The following TARDBP variants were observed in gnomAD, a reference collection of about 807,000 sequenced individuals.
The protein encoded by TARDBP is TAR DNA binding protein.
TARDBP carries 4 observed loss-of-function variants against 38.3 expected under a neutral mutation model. The ratio of observed to expected loss-of-function variants is 0.10; its 90% CI spans 0.05 to 0.24. The LOEUF is 0.24. Ranked by LOEUF, TARDBP falls within the 10% of genes least tolerant of loss-of-function variation. The pLI, the probability that TARDBP is intolerant of heterozygous loss-of-function variation, is 1.00. For synonymous variants in TARDBP, 184 were observed against 183.8 expected (o/e 1.00, Z -0.01); for missense variants, 202 against 521.9 (o/e 0.39, Z 5.97).
At chr1:11,014,783 A>C (rs956200235) in intron 2 of TARDBP, among the ~76,000 whole-genome samples, 1 of 152,098 alleles carries the variant, frequency 6.6e-6, no homozygotes, top group Non-Finnish European at 1.5e-5. Context: ...TATCAAAAAC[A>C]CAAAATCTCT....
At position 11,023,305 on chromosome 1, in the gene TARDBP, C is replaced by T. The variant is rs1284252345; in HGVS notation, c.*651C>T. The T allele has an allele frequency of 1.8e-5, 27 of 1,528,790 alleles. No individual in the cohort carries two copies. Among genetic ancestry groups the T allele is most frequent in the Non-Finnish European group, 2.3e-5 (26 of 1,128,020 alleles). The allele number at this position is 1,528,790 out of a possible 1,614,324, so 94.7% of individuals were successfully genotyped here. A position where few individuals can be genotyped will look rare whatever the true frequency, so the allele number is the denominator to read the frequency against. ...TTTCTCATTCAAGAATTCGTCATCA[C>T]GCATCACAGGCCGCGTCTTTGACGG... On this transcript the variant is annotated 3_prime_UTR_variant, in exon 6 of 6. Transcript: ENST00000240185.
intron 4 of TARDBP, among the ~76,000 whole-genome samples, 196 bp from the exon 5 acceptor site, chr1:11,020,233 T>C (rs912439443): frequency 2.6e-5 from 4 of 152,228 alleles, no homozygotes; most frequent in African/African-American, 9.6e-5. Context: ...TGTGTACTTT[T>C]GTAACTTAAA....
At chr1:11,015,856 C>T (rs2100842729) in intron 2 of TARDBP, among the ~76,000 whole-genome samples, 1 of 150,118 alleles carries the variant, frequency 6.7e-6, no homozygotes, top group Non-Finnish European at 1.5e-5. Context: ...CAATTCTCTG[C>T]CTCAGCCTCA....
chr1:11,021,796 G>T (rs1358842119), intron 5 of TARDBP, among the ~76,000 whole-genome samples: 2 of 151,964 alleles, frequency 1.3e-5, no homozygotes, highest in African/African-American at 2.4e-5. Flanking sequence ...TTTGATAGAG[G>T]TGGGGTCTCC....
chr1:11,028,649 T>C (rs1643780302), downstream of TARDBP, among the ~76,000 whole-genome samples: 1 of 152,080 alleles, frequency 6.6e-6, no homozygotes, highest in South Asian at 2.1e-4. Context: ...AAAAAACTAA[T>C]TTGAGCCAAA....
chr1:11,030,069 T>A (rs964083367), downstream of TARDBP: 17 of 741,098 alleles, frequency 2.3e-5, no homozygotes, highest in Non-Finnish European at 3.7e-5. Flanking sequence ...AAGAGCCAAG[T>A]GCTGAAGTTA....
At chr1:11,021,558 G>A (rs982782328) in intron 5 of TARDBP, among the ~76,000 whole-genome samples, 6 of 152,096 alleles carry the variant, frequency 3.9e-5, no homozygotes, top group African/African-American at 1.2e-4. Context: ...GATTACAGGC[G>A]TGAGCCACTG....
At chr1:11,012,943 G>A (rs1314755075) in intron 1 of TARDBP, among the ~76,000 whole-genome samples, 200 bp downstream of exon 1, 1 of 152,166 alleles carries the variant, frequency 6.6e-6, no homozygotes, top group Non-Finnish European at 1.5e-5. Flanking sequence ...GAAACGGGGG[G>A]CCGGGCCCGC....
chr1:11,025,253 T>C lies in TARDBP; in HGVS notation c.*2599T>C, dbSNP rs920187069. On this transcript the variant is annotated 3_prime_UTR_variant, in exon 6 of 6. Coordinates refer to ENST00000240185, the MANE Select transcript of TARDBP (RefSeq NM_007375.4). ...GCATGGTTTAATCCCTTCTTTACAC[T>C]TGTGTAAATTTCAGTTACTGGTCAT... 6 of 152,630 alleles carry C rather than the reference T, an allele frequency of 3.9e-5. No homozygotes were observed. Among genetic ancestry groups the C allele is most frequent in the African/African-American group, 1.4e-4 (6 of 41,452 alleles). 9.5% of individuals were successfully genotyped at this position (152,630 alleles called of 1,614,324 possible).
downstream of TARDBP, chr1:11,026,643 A>G (rs1643736591): frequency 5.6e-6 from 2 of 357,008 alleles, no homozygotes; most frequent in African/African-American, 4.2e-5. Flanking sequence ...CAGTGACATT[A>G]CACTGGGTGG....
rs1643694573 is a variant in TARDBP at position 11,024,556 on chromosome 1, G to C, written c.*1902G>C. 6.6e-6 allele frequency: 1 copy of C among 152,618 alleles called. No individual in the cohort carries two copies. Among genetic ancestry groups the C allele is most frequent in the African/African-American group, 2.4e-5 (1 of 41,444 alleles). The allele number at this position is 152,618 out of a possible 1,614,324, so 9.5% of individuals were successfully genotyped here. ...TTCCTAGTTTGGGATTTGAAAAGTG[G>C]AATTAATTGCAGTAGGGATAAAGTA... is the stretch of plus-strand genomic sequence containing the variant. On this transcript the variant is annotated 3_prime_UTR_variant, in exon 6 of 6. Coordinates refer to ENST00000240185, the MANE Select transcript of TARDBP (RefSeq NM_007375.4).
downstream of TARDBP, among the ~76,000 whole-genome samples, chr1:11,028,706 CTTTTTTT>C (rs1184236433): frequency 7.5e-4 from 9 of 12,052 alleles, no homozygotes; most frequent in East Asian, 1.4e-3. Context: ...GGTTTTTTTT[CTTTTTTT>C]TTTTTTTTTT....
chr1:11,020,756 A>G (rs1011499788), intron 5 of TARDBP, among the ~76,000 whole-genome samples, 157 bp downstream of exon 5: 1 of 151,906 alleles, frequency 6.6e-6, no homozygotes, highest in Non-Finnish European at 1.5e-5. Context: ...AATACAAAAA[A>G]AAAAAAAAAT....
chr1:11,021,147 T>A (rs1643629096), intron 5 of TARDBP, among the ~76,000 whole-genome samples: 1 of 151,076 alleles, frequency 6.6e-6, no homozygotes, highest in Admixed American at 6.6e-5. Flanking sequence ...ATACTTTTTT[T>A]TTTTTTTTGA....
chr1:11,018,162 G>T (rs553608632), intron 3 of TARDBP, among the ~76,000 whole-genome samples: 2 of 152,104 alleles, frequency 1.3e-5, no homozygotes, highest in Non-Finnish European at 2.9e-5. Flanking sequence ...GATTACAGGC[G>T]TGAGCTACTG....
At chr1:11,021,295 C>G (rs191130635) in intron 5 of TARDBP, among the ~76,000 whole-genome samples, 1 of 152,094 alleles carries the variant, frequency 6.6e-6, no homozygotes, top group Non-Finnish European at 1.5e-5. Context: ...CCTGCCACCA[C>G]GCCTGGCTGA....
downstream of TARDBP, chr1:11,029,987 G>A: frequency 1.9e-6 from 1 of 518,556 alleles, no homozygotes; most frequent in East Asian, 3.4e-5. Flanking sequence ...GACTGATGCA[G>A]TCAGCACCTA....
Position 11,022,057 on chromosome 1 carries a change from T to A in TARDBP, c.715-67T>A, listed in dbSNP as rs1190883044. ...AAATTAATGCTTGTAATCTAAGTTTTGTTGCTACTTTAAATATATGAATCA... is the reference window on the plus strand; with the variant it reads ...AAATTAATGCTTGTAATCTAAGTTTAGTTGCTACTTTAAATATATGAATCA... On this transcript the variant is annotated intron_variant, in intron 5 of 5. Coordinates refer to ENST00000240185, the MANE Select transcript of TARDBP (RefSeq NM_007375.4). This position sits in a 1 kb window ranked among gnomAD's most constrained non-coding sequence, Gnocchi z 4.5. The A allele has an allele frequency of 6.3e-7, 1 of 1,579,190 alleles. No homozygotes were observed. The highest frequency in any genetic ancestry group is 1.3e-5 in the African/African-American group (1 of 74,208).
intron 1 of TARDBP, among the ~76,000 whole-genome samples, chr1:11,013,375 C>T (rs940926425): frequency 9.8e-5 from 15 of 152,338 alleles, no homozygotes; most frequent in Admixed American, 9.1e-4. Flanking sequence ...AACGACTAAC[C>T]CGATTGTCAT....
Sources: gnomAD v4.1 joint callset for allele counts (sites outside exome capture counted in the v4.1 genomes callset) on GRCh38, gnomAD v4.1.1 for gene constraint, Gnocchi (gnomAD v3.1) non-coding constraint, MANE v1.5 for transcripts, NCBI Gene and HGNC (gene_info 2026-07-23, HGNC 2026-07-21) for gene names.